Variants in IL1RAPL2 observed in about 807,000 individuals in gnomAD.
The protein encoded by IL1RAPL2 is interleukin 1 receptor accessory protein like 2.
In IL1RAPL2, 3 loss-of-function variants were observed where a neutral mutation model predicts 44.1. The ratio of observed to expected loss-of-function variants is 0.07; its 90% CI spans 0.03 to 0.18. The LOEUF is 0.18. Among genes scored for constraint, IL1RAPL2 ranks in the 10% least tolerant of loss-of-function variants. IL1RAPL2 has a pLI of 1.00. For missense variants in IL1RAPL2, 391 were observed against 496.4 expected (o/e 0.79, Z 2.02); for synonymous variants, 181 against 178.8 (o/e 1.01, Z -0.10).
chrX:105,012,563 T>G (rs1245563693), intron 2 of IL1RAPL2, among the ~76,000 whole-genome samples: 3 of 105,336 alleles, frequency 2.8e-5, no homozygotes, highest in Admixed American at 1.0e-4. Flanking sequence ...TTTGTAGAAC[T>G]AGTCCTCAAA....
chrX:105,691,557 A>G (rs2038035562), intron 6 of IL1RAPL2, among the ~76,000 whole-genome samples: 2 of 111,743 alleles, frequency 1.8e-5, no homozygotes, highest in Non-Finnish European at 3.8e-5. Flanking sequence ...ATATTACAAA[A>G]ACAGTGTCAG....
intron 2 of IL1RAPL2, among the ~76,000 whole-genome samples, chrX:104,920,459 G>A (rs1268376373): frequency 3.7e-5 from 4 of 108,295 alleles, no homozygotes; most frequent in African/African-American, 1.0e-4. Context: ...GTATCACTTG[G>A]TGATGTCCTT....
rs1208670510 is a variant in IL1RAPL2 at position 105,605,803 on chromosome X, C to T, written c.773-111564C>T. 7.9e-5 allele frequency among the ~76,000 whole-genome samples: 6 copies of T among 76,055 alleles called. No homozygotes were observed. The East Asian group carries it at 2.2e-3, about 27-fold the overall frequency. 66.0% of individuals were successfully genotyped at this position (76,055 alleles called of 115,157 possible). ...ACTTAGAAGCAAATCCATGTATTTA[C>T]AGCCAAATGATTTTCAATAGAGGTG... On this transcript the variant is annotated intron_variant, in intron 6 of 10. Transcript: ENST00000372582.
At position 104,906,484 on chromosome X, in the gene IL1RAPL2, A is replaced by G. The variant is rs192471678; in HGVS notation, c.82+247489A>G. 6.4e-3 allele frequency among the ~76,000 whole-genome samples: 714 copies of G among 111,660 alleles called. 3 individuals carry two copies. Among genetic ancestry groups the G allele is most frequent in the African/African-American group, 0.022 (679 of 30,709 alleles). ...ATTATTTTGAAATAACGTCCCATCA[A>G]TACCTAATTTCTTGAGAGTTTTTAG... On this transcript the variant is annotated intron_variant, in intron 2 of 10. Transcript: ENST00000372582.
At chrX:104,961,369 T>C (rs2030003208) in intron 2 of IL1RAPL2, among the ~76,000 whole-genome samples, 1 of 112,023 alleles carries the variant, frequency 8.9e-6, no homozygotes, top group African/African-American at 3.2e-5. Context: ...ACCAGAGATC[T>C]GAATTAGCTT....
At chrX:104,901,240 T>G (rs1301195344) in intron 2 of IL1RAPL2, among the ~76,000 whole-genome samples, 132 of 78,272 alleles carry the variant, frequency 1.7e-3, no homozygotes, top group Non-Finnish European at 2.8e-3. Context: ...AGACGGACTC[T>G]CGCTCTGTTG....
At chrX:104,652,331 C>A (rs1217392339) in intron 1 of IL1RAPL2, among the ~76,000 whole-genome samples, 1 of 111,641 alleles carries the variant, frequency 9.0e-6, no homozygotes, top group East Asian at 2.8e-4. Context: ...TCTGGATAAT[C>A]CCATGTTAGA....
intron 1 of IL1RAPL2, among the ~76,000 whole-genome samples, chrX:104,589,656 T>C (rs1213937017): frequency 2.7e-5 from 3 of 112,391 alleles, no homozygotes; most frequent in Non-Finnish European, 5.6e-5. Flanking sequence ...CTTAATACCA[T>C]TTGATTTTAT....
At chrX:105,483,004 C>T (rs2036242529) in intron 5 of IL1RAPL2, among the ~76,000 whole-genome samples, 1 of 107,680 alleles carries the variant, frequency 9.3e-6, no homozygotes, top group African/African-American at 3.4e-5. Context: ...TGAGTCCTCT[C>T]ATTTCTTTCT....
intron 2 of IL1RAPL2, among the ~76,000 whole-genome samples, chrX:104,937,176 T>C (rs1925049258): frequency 8.9e-6 from 1 of 112,385 alleles, no homozygotes; most frequent in Admixed American, 9.4e-5. Flanking sequence ...AGACCTTTAA[T>C]TGAGAGGGGA....
rs754592394 is a variant in IL1RAPL2 at position 105,497,427 on chromosome X, T to C, written c.772+13040T>C. 1.8e-4 allele frequency among the ~76,000 whole-genome samples: 20 copies of C among 111,532 alleles called. No homozygotes were observed. In the East Asian group the frequency reaches 5.4e-3, roughly 30 times the overall value. ...CAACAAAGAAGATCCCAGGACCAGA[T>C]GGCATTACTGGATAATTCTACTAAG... On this transcript the variant is annotated intron_variant, in intron 6 of 10. Coordinates refer to ENST00000372582, the MANE Select transcript of IL1RAPL2 (RefSeq NM_017416.2).
At chrX:105,370,511 A>G (rs916948024) in intron 5 of IL1RAPL2, among the ~76,000 whole-genome samples, 2 of 111,933 alleles carry the variant, frequency 1.8e-5, no homozygotes, top group Non-Finnish European at 3.8e-5. Flanking sequence ...TTTACTTAGG[A>G]TAATGGCCTC....
chrX:104,658,791 T>C lies in IL1RAPL2; in HGVS notation c.-19-104T>C, dbSNP rs1007945524. On this transcript the variant is annotated intron_variant, in intron 1 of 10. Transcript: ENST00000372582. Reference sequence around the variant, plus strand: ...AAAGCCAGAAGACCCCAGATTGTCATTGTTTCTCTAATGGAGTTTTGAAAA... The same window carrying C: ...AAAGCCAGAAGACCCCAGATTGTCACTGTTTCTCTAATGGAGTTTTGAAAA... 9 of 519,568 alleles carry C rather than the reference T, an allele frequency of 1.7e-5. No individual in the cohort carries two copies. In the African/African-American group the frequency reaches 2.2e-4, roughly 13 times the overall value. The allele number at this position is 519,568 out of a possible 1,213,427, so 42.8% of individuals were successfully genotyped here. A position where few individuals can be genotyped will look rare whatever the true frequency, so the allele number is the denominator to read the frequency against.
intron 10 of IL1RAPL2, among the ~76,000 whole-genome samples, chrX:105,758,129 C>G (rs1265843500): frequency 9.0e-6 from 1 of 111,206 alleles, no homozygotes; most frequent in Non-Finnish European, 1.9e-5. Flanking sequence ...TCCCTCACAT[C>G]TCATTTAAAA....
chrX:105,722,498 C>T (rs184284996), intron 7 of IL1RAPL2, among the ~76,000 whole-genome samples: 8 of 111,371 alleles, frequency 7.2e-5, no homozygotes, highest in African/African-American at 2.6e-4. Flanking sequence ...ACAAATCCAG[C>T]ATTTTAATAG....
At chrX:105,280,516 T>A (rs1390479459) in intron 5 of IL1RAPL2, among the ~76,000 whole-genome samples, 9 of 111,667 alleles carry the variant, frequency 8.1e-5, no homozygotes, top group Non-Finnish European at 1.7e-4. Context: ...GAGAAAATTT[T>A]TGCAATCTAT....
intron 5 of IL1RAPL2, among the ~76,000 whole-genome samples, chrX:105,361,597 C>T (rs1808515690): frequency 9.0e-6 from 1 of 111,126 alleles, no homozygotes. Flanking sequence ...AGGCCACACA[C>T]ATTTAGCTCT....
intron 2 of IL1RAPL2, among the ~76,000 whole-genome samples, chrX:104,874,924 G>A (rs1049735830): frequency 1.1e-4 from 12 of 111,676 alleles, no homozygotes; most frequent in African/African-American, 3.9e-4. Flanking sequence ...AGGAATTTAG[G>A]AAATCTGGAT....
intron 1 of IL1RAPL2, among the ~76,000 whole-genome samples, chrX:104,600,073 A>T (rs1042323116): frequency 8.9e-6 from 1 of 112,343 alleles, no homozygotes; most frequent in African/African-American, 3.2e-5. Context: ...GAGTGATGCG[A>T]TGATGGAAAT....
Sources: allele counts gnomAD v4.1 joint callset (sites outside exome capture counted in the v4.1 genomes callset), GRCh38; gene constraint gnomAD v4.1.1; transcripts MANE v1.5; gene names NCBI Gene and HGNC (gene_info 2026-07-23, HGNC 2026-07-21).